PAQR3: variants seen among roughly 807,000 people sequenced by gnomAD.
The protein encoded by PAQR3 is Raf kinase trapping to Golgi.
Under a neutral mutation model 41.7 loss-of-function variants are expected in PAQR3, and 39 were observed. The ratio of observed to expected loss-of-function variants is 0.93; its 90% confidence interval spans 0.72 to 1.22. The LOEUF is 1.22. PAQR3 is among the 50% of genes most tolerant of loss of function. The pLI is 0.00. For missense variants in PAQR3, 366 were observed against 385.6 expected (o/e 0.95, Z 0.42); for synonymous variants, 140 against 140.6 (o/e 1.00, Z 0.03).
chr4:78,933,223 G>C, intron 2 of PAQR3: 1 of 456,214 alleles, frequency 2.2e-6, no homozygotes, highest in Non-Finnish European at 4.4e-6. Flanking sequence ...CCGATGCCTT[G>C]TATAGTGTCT....
In PAQR3 at chr4:78,919,818, AT is replaced by A; in HGVS notation, c.*720del. ...TGTTTAGGTGGCTAATGACTATATT[AT>A]TTGACCACATAATTTGTTGTCTAAT... On this transcript the variant is annotated 3_prime_UTR_variant, in exon 6 of 6. Transcript: ENST00000512733. 1 of 982,484 alleles carries A rather than the reference AT, an allele frequency of 1.0e-6. No homozygotes were observed. Among genetic ancestry groups the A allele is most frequent in the Non-Finnish European group, 1.2e-6 (1 of 827,198 alleles). 60.9% of individuals were successfully genotyped at this position (982,484 alleles called of 1,614,324 possible).
intron 11 of PAQR3, among the ~76,000 whole-genome samples, chr4:78,900,833 A>G (rs1733961368): frequency 6.6e-6 from 1 of 152,244 alleles, no homozygotes. Flanking sequence ...AATTGTATCA[A>G]TAATCTGTTT....
intron 11 of PAQR3, among the ~76,000 whole-genome samples, chr4:78,893,689 T>C (rs916764922): frequency 2.0e-5 from 3 of 152,160 alleles, no homozygotes; most frequent in African/African-American, 7.2e-5. Context: ...CAGCATCCCA[T>C]GTAGCTGGGA....
Position 78,920,344 on chromosome 4 carries a change from T to C in PAQR3, c.*195A>G. On this transcript the variant is annotated 3_prime_UTR_variant, in exon 6 of 6. Coordinates refer to ENST00000512733, the MANE Select transcript of PAQR3 (RefSeq NM_001040202.2). ...TTCACTTTCTGTACAAGCAGCAAAT[T>C]AGTAGTTTTAAGGATTTTGTAAAGC... The C allele has an allele frequency of 8.2e-7, 1 of 1,218,380 alleles. No individual in the cohort carries two copies. The highest frequency in any genetic ancestry group is 3.3e-5 in the East Asian group (1 of 30,276). The allele number at this position is 1,218,380 out of a possible 1,614,324, so 75.5% of individuals were successfully genotyped here.
rs140865607 is a variant in PAQR3, at chr4:78,897,568, G to A, written c.*836+8540C>T. On this transcript the variant is annotated intron_variant and NMD_transcript_variant, in intron 11 of 12. Coordinates refer to the PAQR3 transcript ENST00000342820. ...TTGAACCATTTACTTCATTTTCCTTGTAGATCTAATATTTATACCTGTTAA... is the reference window on the plus strand; with the variant it reads ...TTGAACCATTTACTTCATTTTCCTTATAGATCTAATATTTATACCTGTTAA... Among the ~76,000 whole-genome samples the A allele has an allele frequency of 3.4e-3, 513 of 152,166 alleles. 2 individuals are homozygous for A. Among genetic ancestry groups the A allele is most frequent in the Non-Finnish European group, 5.3e-3 (358 of 67,976 alleles).
intron 5 of PAQR3, chr4:78,922,051 C>A: frequency 9.8e-7 from 1 of 1,018,084 alleles, no homozygotes; most frequent in Non-Finnish European, 1.2e-6. Flanking sequence ...AGAGAATTTT[C>A]ATGGTTTAGT....
At chr4:78,909,293 C>T (rs748070274), downstream of PAQR3, among the ~76,000 whole-genome samples, 2 of 152,050 alleles carry the variant, frequency 1.3e-5, no homozygotes, top group Non-Finnish European at 2.9e-5. Flanking sequence ...GCCTTGGCCT[C>T]CCAAAGTGCT....
In PAQR3 at chr4:78,939,238, C is replaced by A; in HGVS notation, c.-14G>T. ...CTTCTGATGCATCGTTCCCGGCCGC[C>A]GCCGCTCCCCGGCTCGGGAGCTCCC... On this transcript the variant is annotated 5_prime_UTR_variant, in exon 1 of 6. Coordinates refer to ENST00000512733, the MANE Select transcript of PAQR3 (RefSeq NM_001040202.2). 1.3e-6 allele frequency: 2 copies of A among 1,571,820 alleles called. No individual in the cohort carries two copies. Among genetic ancestry groups the A allele is most frequent in the Non-Finnish European group, 1.7e-6 (2 of 1,162,216 alleles).
chr4:78,903,924 G>A (rs938211176), intron 11 of PAQR3, among the ~76,000 whole-genome samples: 4 of 151,940 alleles, frequency 2.6e-5, no homozygotes, highest in Non-Finnish European at 5.9e-5. Flanking sequence ...AGAGTTTTAA[G>A]CCAGTGTCAG....
intron 2 of PAQR3, chr4:78,933,224 T>C (rs1169472107): frequency 2.2e-6 from 1 of 456,302 alleles, no homozygotes; most frequent in Non-Finnish European, 4.4e-6. Context: ...CGATGCCTTG[T>C]ATAGTGTCTG....
rs764664349 is a variant in PAQR3, at chr4:78,935,107, G to T, written c.348+14C>A. On this transcript the variant is annotated intron_variant, in intron 2 of 5. Transcript: ENST00000512733. ...GTTCTCTTTACCAACAGCAGTATTT[G>T]TGAAATGACTTACCTGGAAGCAGAA... 43 of 1,610,692 alleles carry T rather than the reference G, an allele frequency of 2.7e-5. No individual in the cohort carries two copies. The highest frequency in any genetic ancestry group is 3.3e-5 in the Non-Finnish European group (39 of 1,178,834).
At chr4:78,892,074 T>A (rs745322039) in intron 11 of PAQR3, among the ~76,000 whole-genome samples, 6 of 152,198 alleles carry the variant, frequency 3.9e-5, no homozygotes, top group Non-Finnish European at 7.4e-5. Flanking sequence ...TTGTAATCTG[T>A]CAGGCTTTTG....
chr4:78,898,652 C>T (rs918931400), intron 11 of PAQR3, among the ~76,000 whole-genome samples: 1 of 147,188 alleles, frequency 6.8e-6, no homozygotes, highest in African/African-American at 2.5e-5. Context: ...AGCGAGACTC[C>T]ATCTCAAAAA....
intron 5 of PAQR3, 122 bp downstream of exon 5, chr4:78,923,735 G>A (rs1269754352): frequency 1.4e-6 from 1 of 728,174 alleles, no homozygotes; most frequent in African/African-American, 1.8e-5. Context: ...TTTGGAAAGA[G>A]AGGAATCATT....
At chr4:78,888,227 ATTC>A (rs1425127394) in intron 11 of PAQR3, 1 of 152,166 alleles carries the variant, frequency 6.6e-6, no homozygotes, top group East Asian at 1.9e-4. Context: ...AACAGTTCCT[ATTC>A]TTGCTGTTTT....
rs1437494738 is a variant in PAQR3 at position 78,912,758 on chromosome 4, T to A, written c.*7781A>T. 6.6e-6 allele frequency: 1 copy of A among 151,792 alleles called. No individual in the cohort carries two copies. The highest frequency in any genetic ancestry group is 2.4e-5 in the African/African-American group (1 of 41,280). The allele number at this position is 151,792 out of a possible 1,614,324, so 9.4% of individuals were successfully genotyped here. A position where few individuals can be genotyped will look rare whatever the true frequency, so the allele number is the denominator to read the frequency against. ...GATAAATATATATAATTTTTGTCAG[T>A]TAAAACAAATTAAAAAAATGGACTA... On this transcript the variant is annotated 3_prime_UTR_variant, in exon 6 of 6. Coordinates refer to ENST00000512733, the MANE Select transcript of PAQR3 (RefSeq NM_001040202.2).
At chr4:78,922,643 T>C in intron 5 of PAQR3, among the ~76,000 whole-genome samples, 1 of 151,952 alleles carries the variant, frequency 6.6e-6, no homozygotes, top group Non-Finnish European at 1.5e-5. Context: ...ATTGCTGTCA[T>C]TTATTCAGTC....
At chr4:78,910,530 T>C (rs982286024), downstream of PAQR3, 3 of 1,147,070 alleles carry the variant, frequency 2.6e-6, no homozygotes, top group African/African-American at 4.7e-5. Context: ...TAATGCCATG[T>C]GTAATACATA....
chr4:78,900,450 T>C (rs184392168), intron 11 of PAQR3, among the ~76,000 whole-genome samples: 1 of 152,264 alleles, frequency 6.6e-6, no homozygotes, highest in Admixed American at 6.5e-5. Context: ...GAATAAACAG[T>C]ATTCTGGAGA....
Sources: allele counts gnomAD v4.1 joint callset (sites outside exome capture counted in the v4.1 genomes callset), GRCh38; gene constraint gnomAD v4.1.1; transcripts MANE v1.5; gene names NCBI Gene and HGNC (gene_info 2026-07-23, HGNC 2026-07-21).